BABAM2: variants seen among roughly 807,000 people sequenced by gnomAD.
The protein encoded by BABAM2 is BRISC and BRCA1-A complex member 2.
Under a neutral mutation model 54.7 loss-of-function variants are expected in BABAM2, and 31 were observed. The ratio of observed to expected loss-of-function variants is 0.57; its 90% CI spans 0.43 to 0.77. The LOEUF is 0.77. Ranked by LOEUF, BABAM2 falls within the 30% of genes least tolerant of loss-of-function variation. The pLI is 0.00. For missense variants in BABAM2, 364 were observed against 455.8 expected (o/e 0.80, Z 1.83); for synonymous variants, 167 against 162.9 (o/e 1.03, Z -0.19).
In BABAM2 at chr2:28,241,343, G is replaced by T. The variant is rs758642407; in HGVS notation, c.801G>T (p.Gly267=). 2.5e-6 allele frequency: 4 copies of T among 1,613,888 alleles called. No individual in the cohort carries two copies. The highest frequency in any genetic ancestry group is 3.4e-6 in the Non-Finnish European group (4 of 1,179,968). The change falls in exon 9 of 12, where the codon GGG becomes GGT. Residue 267 remains glycine (G), a synonymous_variant. Transcript: ENST00000379624. ...TCCAGGTGCAGTACGTGATTCAAGG[G>T]TATCACAAAAGAAGAGAGTATATTG... The part of the protein sequence containing the change: ...LTNKVQYVIQ[G]YHKRREYIAA...
intron 10 of BABAM2, among the ~76,000 whole-genome samples, chr2:28,259,949 G>T (rs547210486): frequency 6.7e-6 from 1 of 150,218 alleles, no homozygotes; most frequent in African/African-American, 2.4e-5. Flanking sequence ...CGCCCAGGCT[G>T]GAGTGCAGTG....
chr2:28,031,476 A>T (rs1193370143), intron 5 of BABAM2, among the ~76,000 whole-genome samples: 1 of 152,150 alleles, frequency 6.6e-6, no homozygotes, highest in Non-Finnish European at 1.5e-5. Flanking sequence ...TGCTGCACCA[A>T]ACTAACAAGA....
At chr2:28,269,850 ATT>A (rs10709627) in intron 10 of BABAM2, among the ~76,000 whole-genome samples, 6 of 146,456 alleles carry the variant, frequency 4.1e-5, no homozygotes, top group Non-Finnish European at 4.5e-5. Context: ...TTTTCTTGTC[ATT>A]TTTTTTTTTT....
At chr2:28,245,295 A>T (rs1682816634) in intron 10 of BABAM2, among the ~76,000 whole-genome samples, 1 of 152,182 alleles carries the variant, frequency 6.6e-6, no homozygotes, top group Non-Finnish European at 1.5e-5. Context: ...TTCCAGTATC[A>T]GGCCTCAAGA....
At chr2:27,990,802 T>C (rs951021329) in intron 4 of BABAM2, among the ~76,000 whole-genome samples, 1 of 152,082 alleles carries the variant, frequency 6.6e-6, no homozygotes, top group Admixed American at 6.5e-5. Context: ...AGAGAATATG[T>C]GTAATATATA....
chr2:28,015,253 C>T (rs1674714958), intron 4 of BABAM2, among the ~76,000 whole-genome samples: 1 of 152,134 alleles, frequency 6.6e-6, no homozygotes, highest in African/African-American at 2.4e-5. Flanking sequence ...GCAAACCACC[C>T]CCTAACCCTA....
chr2:27,911,370 A>T (rs1454130765), intron 2 of BABAM2, among the ~76,000 whole-genome samples: 1 of 152,212 alleles, frequency 6.6e-6, no homozygotes, highest in Admixed American at 6.5e-5. Context: ...TAAATATTTT[A>T]AAATTCTTTC....
intron 7 of BABAM2, among the ~76,000 whole-genome samples, chr2:28,146,913 G>A (rs1359303669): frequency 1.3e-5 from 2 of 152,218 alleles, no homozygotes; most frequent in Non-Finnish European, 2.9e-5. Context: ...CTGAAACTAA[G>A]GAAGTTTTCT....
intron 6 of BABAM2, among the ~76,000 whole-genome samples, chr2:28,108,324 A>G (rs1020948592): frequency 2.4e-4 from 37 of 152,170 alleles, no homozygotes; most frequent in African/African-American, 8.7e-4. Flanking sequence ...TGAACTAGAA[A>G]TGTTAAGCTG....
intron 2 of BABAM2, among the ~76,000 whole-genome samples, chr2:27,904,441 A>G (rs1385716896): frequency 1.3e-5 from 2 of 152,208 alleles, no homozygotes; most frequent in Non-Finnish European, 2.9e-5. Flanking sequence ...CAGATAATCA[A>G]TCTGGCAGTC....
chr2:27,928,376 C>T (rs757623266), intron 2 of BABAM2, among the ~76,000 whole-genome samples: 1 of 151,982 alleles, frequency 6.6e-6, no homozygotes, highest in Non-Finnish European at 1.5e-5. Context: ...TCTTGAACTC[C>T]TGACCTCCAG....
rs149357753 is a variant in BABAM2, at chr2:28,072,854, C to T, written c.570+27055C>T. 6.5e-3 allele frequency among the ~76,000 whole-genome samples: 991 copies of T among 152,306 alleles called. 13 individuals are homozygous for T. Among genetic ancestry groups the T allele is most frequent in the Non-Finnish European group, 8.0e-3 (543 of 68,018 alleles). On this transcript the variant is annotated intron_variant, in intron 6 of 11. Transcript: ENST00000379624. ...ACTTTGAACATATACAAAGATAGAA[C>T]GACTACTGTCCTGTAACCCATTACC...
intron 7 of BABAM2, among the ~76,000 whole-genome samples, chr2:28,236,382 G>C (rs75801987): frequency 1.1e-5 from 1 of 89,216 alleles, no homozygotes; most frequent in South Asian, 3.5e-4. Context: ...TTTTTTTTTT[G>C]AGACCGAGTC....
At chr2:27,928,249 C>T (rs755478491) in intron 2 of BABAM2, among the ~76,000 whole-genome samples, 1 of 152,048 alleles carries the variant, frequency 6.6e-6, no homozygotes, top group Non-Finnish European at 1.5e-5. Context: ...CTCGTGACCT[C>T]GTGATCCGCC....
chr2:28,089,039 G>T (rs111366995), intron 6 of BABAM2, among the ~76,000 whole-genome samples: 1,779 of 149,160 alleles, frequency 0.012, 28 homozygotes, highest in African/African-American at 0.042. Context: ...TGCATTTAGG[G>T]TTTTTTTTTT....
At chr2:28,088,407 A>C (rs1665868216) in intron 6 of BABAM2, among the ~76,000 whole-genome samples, 1 of 152,194 alleles carries the variant, frequency 6.6e-6, no homozygotes, top group South Asian at 2.1e-4. Context: ...AACTCCAGTG[A>C]TTCTCTTAAA....
At chr2:27,999,176 AT>A (rs546593759) in intron 4 of BABAM2, among the ~76,000 whole-genome samples, 21 of 149,652 alleles carry the variant, frequency 1.4e-4, no homozygotes, top group Admixed American at 3.3e-4. Flanking sequence ...GCACACTAAG[AT>A]TTTTTTTTTG....
intron 10 of BABAM2, among the ~76,000 whole-genome samples, chr2:28,265,688 T>C (rs900642487): frequency 2.0e-5 from 3 of 152,148 alleles, no homozygotes; most frequent in African/African-American, 7.2e-5. Context: ...AACACTCAGC[T>C]AACTTCCCTA....
intron 10 of BABAM2, among the ~76,000 whole-genome samples, chr2:28,277,992 T>C (rs1050831563): frequency 6.6e-6 from 1 of 152,148 alleles, no homozygotes; most frequent in Admixed American, 6.5e-5. Flanking sequence ...ATCTGGTAGG[T>C]AGATAAAGAG....
Sources: gnomAD v4.1 joint callset for allele counts (sites outside exome capture counted in the v4.1 genomes callset) on GRCh38, gnomAD v4.1.1 for gene constraint, MANE v1.5 for transcripts, NCBI Gene and HGNC (gene_info 2026-07-23, HGNC 2026-07-21) for gene names.